Variants in RAB38 observed in about 807,000 individuals in gnomAD.
RAB38 encodes the protein RAB38, member RAS oncogene family, also known as ras-related protein Rab-38.
In RAB38, 15 loss-of-function variants were observed where a neutral mutation model predicts 18.4. The observed-to-expected ratio is 0.82, with a 90% CI of 0.55 to 1.26. RAB38 has a LOEUF of 1.26. RAB38 is among the 50% of genes most tolerant of loss of function. The pLI, the probability that RAB38 is intolerant of heterozygous loss-of-function variation, is 0.00. For missense variants in RAB38, 294 were observed against 267.4 expected (o/e 1.10, Z -0.69); for synonymous variants, 101 against 104.4 (o/e 0.97, Z 0.20).
At chr11:88,112,964 C>A (rs1942493986), downstream of RAB38, among the ~76,000 whole-genome samples, 1 of 152,052 alleles carries the variant, frequency 6.6e-6, no homozygotes, top group Non-Finnish European at 1.5e-5. Flanking sequence ...GTTGATTGAT[C>A]TGGCACCTTT....
the RAB38 span, among the ~76,000 whole-genome samples, chr11:87,891,076 C>A: frequency 6.6e-6 from 1 of 151,792 alleles, no homozygotes; most frequent in South Asian, 2.1e-4. Context: ...CAATACATTC[C>A]ATGAGAAAGA....
chr11:87,813,433 A>G, the RAB38 span, among the ~76,000 whole-genome samples: 3 of 152,294 alleles, frequency 2.0e-5, no homozygotes, highest in South Asian at 4.1e-4. Flanking sequence ...ATAAGCAGAT[A>G]AAAAGCCCTA....
At chr11:88,162,970 C>T (rs757640369) in intron 1 of RAB38, among the ~76,000 whole-genome samples, 4 of 152,082 alleles carry the variant, frequency 2.6e-5, no homozygotes, top group Non-Finnish European at 4.4e-5. Flanking sequence ...AAGGTTGTAC[C>T]CAAGCTCCAC....
At chr11:87,824,997 AGTGT>A in the RAB38 span, among the ~76,000 whole-genome samples, 1 of 151,086 alleles carries the variant, frequency 6.6e-6, no homozygotes, top group East Asian at 1.9e-4. Flanking sequence ...AGAGAGAGTG[AGTGT>A]GTGTGTGTGT....
the RAB38 span, among the ~76,000 whole-genome samples, chr11:88,105,420 T>C: frequency 2.6e-4 from 39 of 152,276 alleles, no homozygotes; most frequent in South Asian, 7.7e-3. Context: ...GTTTGAGTTA[T>C]AGAAAAATCA....
At chr11:87,954,706 G>T in the RAB38 span, among the ~76,000 whole-genome samples, 2 of 152,004 alleles carry the variant, frequency 1.3e-5, no homozygotes, top group Non-Finnish European at 2.9e-5. Context: ...AGGCGAGCCC[G>T]GGAGCAGGCT....
chr11:88,031,313 T>C, the RAB38 span, among the ~76,000 whole-genome samples: 1 of 149,744 alleles, frequency 6.7e-6, no homozygotes, highest in East Asian at 2.0e-4. Flanking sequence ...CTTTGAAAAC[T>C]GGCACAAGAC....
intron 2 of RAB38, among the ~76,000 whole-genome samples, chr11:88,142,278 T>C (rs34965089): frequency 0.13 from 20,515 of 152,294 alleles, 1,506 homozygotes; most frequent in Middle Eastern, 0.22. Flanking sequence ...CCCTTAATCA[T>C]ACCACAACTC....
chr11:87,853,106 G>C, the RAB38 span, among the ~76,000 whole-genome samples: 4 of 152,090 alleles, frequency 2.6e-5, no homozygotes, highest in Non-Finnish European at 5.9e-5. Flanking sequence ...ATGTCTATTT[G>C]GGTTAAAAGA....
the RAB38 span, among the ~76,000 whole-genome samples, chr11:87,919,729 T>C: frequency 6.6e-6 from 1 of 152,162 alleles, no homozygotes; most frequent in South Asian, 2.1e-4. Flanking sequence ...CATCTGGTCC[T>C]GAGATTTTTC....
At chr11:87,836,312 C>G in the RAB38 span, among the ~76,000 whole-genome samples, 2 of 152,122 alleles carry the variant, frequency 1.3e-5, no homozygotes, top group East Asian at 1.9e-4. Context: ...TCTCTTTAAT[C>G]TGTCCTTTCT....
At chr11:87,949,440 T>C in the RAB38 span, among the ~76,000 whole-genome samples, 1 of 152,232 alleles carries the variant, frequency 6.6e-6, no homozygotes, top group African/African-American at 2.4e-5. Flanking sequence ...AGTTTTTGAA[T>C]GTGTTTGCTC....
the RAB38 span, among the ~76,000 whole-genome samples, chr11:87,822,846 TAAGGA>T: frequency 6.6e-6 from 1 of 151,858 alleles, no homozygotes; most frequent in Non-Finnish European, 1.5e-5. Flanking sequence ...ATCTAAAACA[TAAGGA>T]AATAGAAAGA....
At chr11:88,091,783 G>A in the RAB38 span, among the ~76,000 whole-genome samples, 1 of 151,956 alleles carries the variant, frequency 6.6e-6, no homozygotes, top group Non-Finnish European at 1.5e-5. Flanking sequence ...AGAGCTGGTA[G>A]TGTTAGACAG....
the RAB38 span, among the ~76,000 whole-genome samples, chr11:87,832,064 C>CACTT: frequency 6.6e-6 from 1 of 152,182 alleles, no homozygotes; most frequent in Non-Finnish European, 1.5e-5. Flanking sequence ...CTGGTTCCAA[C>CACTT]ACTTACTAAT....
At chr11:88,079,063 TA>T in the RAB38 span, among the ~76,000 whole-genome samples, 25 of 151,598 alleles carry the variant, frequency 1.6e-4, no homozygotes, top group Non-Finnish European at 3.2e-4. Context: ...AAACGAAACC[TA>T]AAGTGGGCCA....
the RAB38 span, among the ~76,000 whole-genome samples, chr11:87,951,810 G>C: frequency 4.0e-5 from 6 of 150,990 alleles, no homozygotes; most frequent in Admixed American, 2.0e-4. Flanking sequence ...TGCCCCTACT[G>C]GGGGGGTGCC....
chr11:88,113,792 TA>T lies in RAB38; in HGVS notation c.*195del. On this transcript the variant is annotated 3_prime_UTR_variant, in exon 3 of 3. Coordinates refer to ENST00000243662, the MANE Select transcript of RAB38 (RefSeq NM_022337.3). ...CAGACTAAATATTTTCAAAAGTTTG[TA>T]AACACTGTGATGATGGTGAGGAAAG... 1.5e-6 allele frequency: 1 copy of T among 668,838 alleles called. No individual in the cohort carries two copies. Among genetic ancestry groups the T allele is most frequent in the Non-Finnish European group, 2.4e-6 (1 of 412,280 alleles). The allele number at this position is 668,838 out of a possible 1,614,324, so 41.4% of individuals were successfully genotyped here.
chr11:87,823,312 CTG>C, the RAB38 span, among the ~76,000 whole-genome samples: 2 of 151,576 alleles, frequency 1.3e-5, no homozygotes, highest in African/African-American at 4.8e-5. Context: ...GATTAAAAAA[CTG>C]AATATTGTTA....
Sources: allele counts gnomAD v4.1 joint callset (sites outside exome capture counted in the v4.1 genomes callset), GRCh38; gene constraint gnomAD v4.1.1; transcripts MANE v1.5; gene names NCBI Gene and HGNC (gene_info 2026-07-23, HGNC 2026-07-21).